The following MAML3 variants were observed in gnomAD, a reference collection of about 807,000 sequenced individuals.
MAML3 encodes the protein mastermind-like protein 3.
Under a neutral mutation model 101.9 loss-of-function variants are expected in MAML3, and 27 were observed. That is an observed-to-expected ratio of 0.27 (90% CI 0.20 to 0.37). The LOEUF (loss-of-function observed/expected upper bound fraction) is 0.37, where lower values mean the gene tolerates loss of function less well. Ranked by LOEUF, MAML3 falls within the 10% of genes least tolerant of loss-of-function variation. The probability of loss-of-function intolerance (pLI) is 1.00; values close to 1 mark genes in which losing one functional copy is unlikely to be tolerated. For missense variants in MAML3, 1,316 were observed against 1,444.9 expected (o/e 0.91, Z 1.45); for synonymous variants, 501 against 555.9 (o/e 0.90, Z 1.39).
intron 1 of MAML3, among the ~76,000 whole-genome samples, chr4:139,972,458 T>G (rs1578623462): frequency 6.6e-6 from 1 of 152,350 alleles, no homozygotes; most frequent in East Asian, 1.9e-4. Context: ...CACATTTTGT[T>G]TTTGACTCAG....
intron 1 of MAML3, among the ~76,000 whole-genome samples, chr4:140,125,706 C>A (rs1728672267): frequency 6.6e-6 from 1 of 152,084 alleles, no homozygotes; most frequent in Non-Finnish European, 1.5e-5. Context: ...GATCCTCCAG[C>A]CTTGGCCTCC....
intron 2 of MAML3, among the ~76,000 whole-genome samples, chr4:139,869,907 G>A (rs1252592302): frequency 1.3e-5 from 2 of 152,238 alleles, no homozygotes; most frequent in Non-Finnish European, 2.9e-5. Flanking sequence ...TTCGGTGAGT[G>A]TCAACATGTA....
intron 1 of MAML3, among the ~76,000 whole-genome samples, chr4:139,986,705 A>C (rs1734545817): frequency 6.6e-6 from 1 of 152,148 alleles, no homozygotes; most frequent in South Asian, 2.1e-4. Flanking sequence ...CCGGAGAGCA[A>C]ACTTGACATT....
At chr4:140,055,304 G>GGATA (rs1349179849) in intron 1 of MAML3, among the ~76,000 whole-genome samples, 4 of 152,134 alleles carry the variant, frequency 2.6e-5, no homozygotes, top group Non-Finnish European at 5.9e-5. Flanking sequence ...GTATTAATTA[G>GGATA]TTTGTTTTAA....
intron 1 of MAML3, among the ~76,000 whole-genome samples, chr4:140,130,509 A>G (rs534449618): frequency 2.3e-4 from 35 of 152,248 alleles, no homozygotes; most frequent in Non-Finnish European, 4.3e-4. Flanking sequence ...CAGCTTATAC[A>G]ATGATTTTTA....
intron 1 of MAML3, among the ~76,000 whole-genome samples, chr4:140,092,088 G>GTATATATATATATATATACGTA (rs371237469): frequency 6.3e-4 from 48 of 76,104 alleles, no homozygotes; most frequent in African/African-American, 2.1e-3. Flanking sequence ...ATATATATAC[G>GTATATATATATATATATACGTA]TATATATATA....
intron 2 of MAML3, among the ~76,000 whole-genome samples, chr4:139,867,043 A>C (rs1186119469): frequency 6.6e-6 from 1 of 152,254 alleles, no homozygotes; most frequent in Non-Finnish European, 1.5e-5. Flanking sequence ...GCTTGCTTTA[A>C]TGAAATAAAA....
At chr4:140,089,998 A>G (rs996664613) in intron 1 of MAML3, among the ~76,000 whole-genome samples, 1 of 152,242 alleles carries the variant, frequency 6.6e-6, no homozygotes, top group African/African-American at 2.4e-5. Context: ...ATTTTACTGG[A>G]TGTGAATTAA....
intron 1 of MAML3, among the ~76,000 whole-genome samples, chr4:139,970,036 A>G (rs1474225153): frequency 1.3e-5 from 2 of 152,222 alleles, no homozygotes; most frequent in Non-Finnish European, 2.9e-5. Context: ...ACTACTGGGT[A>G]TGAGGTCAGT....
chr4:139,920,617 C>T (rs1202710308), intron 1 of MAML3, among the ~76,000 whole-genome samples: 1 of 152,228 alleles, frequency 6.6e-6, no homozygotes, highest in Non-Finnish European at 1.5e-5. Flanking sequence ...CATAACTGTT[C>T]ACTAAAGTGG....
At chr4:139,811,349 G>T (rs1487183489) in intron 2 of MAML3, among the ~76,000 whole-genome samples, 2 of 152,146 alleles carry the variant, frequency 1.3e-5, no homozygotes, top group Non-Finnish European at 2.9e-5. Flanking sequence ...GGGTGAGTGT[G>T]GGCTGGTCTC....
intron 1 of MAML3, among the ~76,000 whole-genome samples, chr4:139,952,821 A>G (rs929202121): frequency 1.3e-5 from 2 of 152,216 alleles, no homozygotes; most frequent in Non-Finnish European, 2.9e-5. Context: ...CATTAAAGTC[A>G]GGACTCCCCC....
At chr4:139,959,415 T>G (rs924081890) in intron 1 of MAML3, among the ~76,000 whole-genome samples, 1 of 152,198 alleles carries the variant, frequency 6.6e-6, no homozygotes, top group African/African-American at 2.4e-5. Flanking sequence ...CTTTAGTTCT[T>G]AAAATGCCTT....
At chr4:139,821,158 A>G (rs916267701) in intron 2 of MAML3, among the ~76,000 whole-genome samples, 1 of 152,192 alleles carries the variant, frequency 6.6e-6, no homozygotes, top group African/African-American at 2.4e-5. Context: ...CTAAGTTTCC[A>G]TTCAAATTAA....
chr4:140,040,621 A>ATTG (rs1271124869), intron 1 of MAML3, among the ~76,000 whole-genome samples: 8 of 152,226 alleles, frequency 5.3e-5, no homozygotes, highest in African/African-American at 1.9e-4. Flanking sequence ...TCAACAATAC[A>ATTG]GGGTACGGTG....
intron 2 of MAML3, among the ~76,000 whole-genome samples, chr4:139,803,835 G>C (rs1014289018): frequency 6.6e-6 from 1 of 152,192 alleles, no homozygotes; most frequent in East Asian, 1.9e-4. Flanking sequence ...ACTGAGGTCA[G>C]AGTTGAAGAT....
intron 1 of MAML3, among the ~76,000 whole-genome samples, chr4:140,045,394 CA>C (rs3081944): frequency 0.51 from 49,914 of 98,644 alleles, 10,296 homozygotes; most frequent in East Asian, 0.84. Context: ...GACTCCAACT[CA>C]AAAAAAAAAA....
At position 139,996,943 on chromosome 4, in the gene MAML3, G is replaced by A. The variant is rs370474821; in HGVS notation, c.469-105976C>T. Among the ~76,000 whole-genome samples, 8 of 152,042 alleles carry A rather than the reference G, an allele frequency of 5.3e-5. No individual in the cohort carries two copies. The East Asian group carries it at 1.2e-3, about 22-fold the overall frequency. On this transcript the variant is annotated intron_variant, in intron 1 of 4. Transcript: ENST00000509479. ...GTGGTGGTACGTGCCTGTAATCTCA[G>A]CTACTTGGGAGGCTGAGGCAGGAGA...
chr4:139,894,980 C>CGATTTTAGAAAGTCCAA (rs1732580796), intron 1 of MAML3, among the ~76,000 whole-genome samples: 1 of 152,202 alleles, frequency 6.6e-6, no homozygotes, highest in South Asian at 2.1e-4. Flanking sequence ...TGAACTGACT[C>CGATTTTAGAAAGTCCAA]GATTTTAGAA....
Sources: allele counts gnomAD v4.1 joint callset (sites outside exome capture counted in the v4.1 genomes callset), GRCh38; gene constraint gnomAD v4.1.1; transcripts MANE v1.5; gene names NCBI Gene and HGNC (gene_info 2026-07-23, HGNC 2026-07-21).